The following NHLRC3 variants were observed in gnomAD, a reference collection of about 807,000 sequenced individuals.
NHLRC3 encodes the protein NHL repeat-containing protein 3.
A neutral mutation model predicts 32.0 loss-of-function variants in NHLRC3; 23 were observed. The observed-to-expected ratio is 0.72, with a 90% CI of 0.52 to 1.02. The LOEUF (loss-of-function observed/expected upper bound fraction) is 1.02, where lower values mean the gene tolerates loss of function less well. NHLRC3 is among the 50% of genes least tolerant of loss of function. The pLI, the probability that NHLRC3 is intolerant of heterozygous loss-of-function variation, is 0.00. For missense variants in NHLRC3, 407 were observed against 406.8 expected, an observed-to-expected ratio of 1.00 and a Z score of -0.01; for synonymous variants, 159 against 147.9, an observed-to-expected ratio of 1.08 and a Z score of -0.55.
In NHLRC3 at chr13:39,049,266, C is replaced by G. The variant is rs1184605160; in HGVS notation, c.*1340C>G. 1 of 152,604 alleles carries G rather than the reference C, an allele frequency of 6.6e-6. No homozygotes were observed. The highest frequency in any genetic ancestry group is 1.5e-5 in the Non-Finnish European group (1 of 68,058). The allele number at this position is 152,604 out of a possible 1,614,324, so 9.5% of individuals were successfully genotyped here. ...TTTTCCAGACCTGAAGGGACTCACA[C>G]TTGTTTTGATACTTGGATCACATCT... On this transcript the variant is annotated 3_prime_UTR_variant, in exon 7 of 7. Coordinates refer to ENST00000379600, the MANE Select transcript of NHLRC3 (RefSeq NM_001012754.4).
intron 6 of NHLRC3, 69 bp from the exon 7 acceptor site, chr13:39,047,605 A>C (rs1349913993): frequency 3.7e-6 from 5 of 1,360,788 alleles, no homozygotes; most frequent in East Asian, 4.6e-5. Context: ...TAGGGGATTA[A>C]AATGTTGAAA....
At chr13:39,046,809 G>T (rs1871697051) in intron 5 of NHLRC3, among the ~76,000 whole-genome samples, 1 of 152,160 alleles carries the variant, frequency 6.6e-6, no homozygotes, top group African/African-American at 2.4e-5. Context: ...AGTATTATAA[G>T]CTTTGGGTTA....
In NHLRC3 at chr13:39,045,408, C is replaced by T. The variant is rs757723798; in HGVS notation, c.678+1227C>T. Reference sequence around the variant, plus strand: ...CCTTCTAAAAGGCCTTGGAAATCATCTGATGGGGGTACTCTGGCATTCCTG... The same window carrying T: ...CCTTCTAAAAGGCCTTGGAAATCATTTGATGGGGGTACTCTGGCATTCCTG... On this transcript the variant is annotated intron_variant, in intron 5 of 6. Transcript: ENST00000379600. Among the ~76,000 whole-genome samples, 88 of 152,300 alleles carry T rather than the reference C, an allele frequency of 5.8e-4. 1 individual carries two copies. Among genetic ancestry groups the T allele is most frequent in the Non-Finnish European group, 4.1e-4 (28 of 68,022 alleles).
chr13:39,039,089 CTT>C, intron 1 of NHLRC3, 45 bp from the exon 2 acceptor site: 1 of 427,124 alleles, frequency 2.3e-6, no homozygotes, highest in Non-Finnish European at 4.1e-6. Context: ...TTTTTTTGTT[CTT>C]ACCTAGACGG....
chr13:39,047,676 T>C lies in NHLRC3; in HGVS notation c.794T>C (p.Phe265Ser). ...ATGTTAAATGTCTTTCTCCTTAGGTTTACTCCTGATGGGAAGTACTTGATT... is the reference window on the plus strand; with the variant it reads ...ATGTTAAATGTCTTTCTCCTTAGGTCTACTCCTGATGGGAAGTACTTGATT... ...FTEEGPSSVRFTPDGKYLIVA... is the reference protein window; with the variant it reads ...FTEEGPSSVRSTPDGKYLIVA... Residue 265 changes from phenylalanine to serine, a missense_variant and splice_region_variant, in exon 7 of 7, where the codon TTT becomes TCT. Physicochemically the swap from Phe to Ser is radical, Grantham distance 155. Coordinates refer to ENST00000379600, the MANE Select transcript of NHLRC3 (RefSeq NM_001012754.4). The C allele has an allele frequency of 2.5e-6, 4 of 1,612,230 alleles. No homozygotes were observed. The highest frequency in any genetic ancestry group is 3.4e-6 in the Non-Finnish European group (4 of 1,178,482).
At chr13:39,044,355 T>C (rs1186656610) in intron 5 of NHLRC3, 174 bp downstream of exon 5, 5 of 596,210 alleles carry the variant, frequency 8.4e-6, no homozygotes, top group East Asian at 2.8e-5. Flanking sequence ...GGGTAATTAC[T>C]CTGGGGCTGG....
chr13:39,047,783 A>G lies in NHLRC3; in HGVS notation c.901A>G (p.Thr301Ala), dbSNP rs143599770. Residue 301 changes from threonine to alanine, a missense_variant, in exon 7 of 7, where the codon ACA becomes GCA. By Grantham distance (58) the Thr-to-Ala change is moderately conservative. Transcript: ENST00000379600. ...GSIGECSVIS[T>A]IQLADQVLPH... is the part of the protein sequence containing the mutation. ...CATTGGGGAGTGTTCTGTGATCAGC[A>G]CAATCCAACTAGCAGATCAAGTTTT... 3.0e-5 allele frequency: 48 copies of G among 1,614,182 alleles called. No homozygotes were observed. In the African/African-American group the frequency reaches 4.7e-4, roughly 16 times the overall value.
chr13:39,049,499 A>T lies in NHLRC3; in HGVS notation c.*1573A>T, dbSNP rs568906408. 3 of 152,336 alleles carry T rather than the reference A, an allele frequency of 2.0e-5. No individual in the cohort carries two copies. In the South Asian group the frequency reaches 6.2e-4, roughly 32 times the overall value. 9.4% of individuals were successfully genotyped at this position (152,336 alleles called of 1,614,324 possible). ...AACAGGTACAGACTTGCCCTTTGAA[A>T]TCTATACCTCTGGATACATTAGAGG... On this transcript the variant is annotated 3_prime_UTR_variant, in exon 7 of 7. Transcript: ENST00000379600.
chr13:39,040,460 T>C (rs957402903), intron 3 of NHLRC3: 5 of 152,224 alleles, frequency 3.3e-5, no homozygotes, highest in Non-Finnish European at 7.3e-5. Flanking sequence ...CTGTTGTTAA[T>C]GTTTTTGAAA....
intron 1 of NHLRC3, 131 bp from the exon 2 acceptor site, chr13:39,039,005 T>C: frequency 1.4e-6 from 1 of 734,124 alleles, no homozygotes; most frequent in Non-Finnish European, 2.3e-6. Flanking sequence ...TTCTTTGGAA[T>C]TATTTCAGTC....
intron 6 of NHLRC3, among the ~76,000 whole-genome samples, 156 bp from the exon 7 acceptor site, chr13:39,047,518 A>T (rs545240670): frequency 1.3e-5 from 2 of 152,348 alleles, no homozygotes; most frequent in Non-Finnish European, 2.9e-5. Context: ...ATTCCTTCAT[A>T]AACAGAATTA....
intron 1 of NHLRC3, 75 bp downstream of exon 1, chr13:39,038,798 A>G (rs1871318202): frequency 8.1e-7 from 1 of 1,237,582 alleles, no homozygotes; most frequent in South Asian, 1.2e-5. Flanking sequence ...CGGTCGTGGC[A>G]TGGAGGTGGC....
intron 3 of NHLRC3, chr13:39,041,900 G>A (rs953249486): frequency 1.4e-5 from 7 of 512,054 alleles, no homozygotes; most frequent in Non-Finnish European, 2.4e-5. Context: ...GCTTATTTTG[G>A]ACTAATGGAG....
intron 5 of NHLRC3, among the ~76,000 whole-genome samples, chr13:39,046,396 T>A (rs1001681059): frequency 6.6e-6 from 1 of 152,236 alleles, no homozygotes; most frequent in Non-Finnish European, 1.5e-5. Context: ...AGAATGCATC[T>A]CACTTCTTGT....
rs929546026 is a variant in NHLRC3, at chr13:39,049,542, C to T, written c.*1616C>T. On this transcript the variant is annotated 3_prime_UTR_variant, in exon 7 of 7. Coordinates refer to ENST00000379600, the MANE Select transcript of NHLRC3 (RefSeq NM_001012754.4). ...ATTAGAGGCATTTTATTAACAAAGG[C>T]CCTTCTAAATGTGCTATTTATTTGA... 5.3e-5 allele frequency: 8 copies of T among 152,182 alleles called. No homozygotes were observed. Among genetic ancestry groups the T allele is most frequent in the African/African-American group, 1.9e-4 (8 of 41,434 alleles). 9.4% of individuals were successfully genotyped at this position (152,182 alleles called of 1,614,324 possible).
chr13:39,039,106 C>T, intron 1 of NHLRC3, 30 bp from the exon 2 acceptor site: 1 of 849,428 alleles, frequency 1.2e-6, no homozygotes, highest in Non-Finnish European at 1.7e-6. Flanking sequence ...AGACGGTAAA[C>T]TAAATCTGAA....
At chr13:39,044,927 CT>C (rs1165341016) in intron 5 of NHLRC3, among the ~76,000 whole-genome samples, 3 of 152,212 alleles carry the variant, frequency 2.0e-5, no homozygotes, top group Middle Eastern at 6.3e-3. Context: ...TCTGTCTCCC[CT>C]AATAGATGTC....
At position 39,044,164 on chromosome 13, in the gene NHLRC3, C is replaced by T. The variant is rs1330298286; in HGVS notation, c.661C>T (p.Leu221Phe). The part of the protein sequence containing the change: ...AKFNIPHSVT[L>F]DSAGRVWVAD... ...GTTCAACATACCTCACAGTGTTACA[C>T]TTGATTCAGCTGGTCGGGTACAAAT... The change falls in exon 5 of 7, where the codon CTT (leucine) becomes TTT (phenylalanine). Residue 221 changes from leucine (L) to phenylalanine (F), a missense_variant. Physicochemically the swap from Leu to Phe is conservative, Grantham distance 22. Coordinates refer to ENST00000379600, the MANE Select transcript of NHLRC3 (RefSeq NM_001012754.4). 1 of 1,611,786 alleles carries T rather than the reference C, an allele frequency of 6.2e-7. No homozygotes were observed. Among genetic ancestry groups the T allele is most frequent in the Non-Finnish European group, 8.5e-7 (1 of 1,178,030 alleles).
At chr13:39,040,346 A>G (rs1466703120) in intron 3 of NHLRC3, 5 of 152,216 alleles carry the variant, frequency 3.3e-5, no homozygotes. Context: ...CTCTGAAAGC[A>G]ATGACTGGAA....
Sources: allele counts gnomAD v4.1 joint callset (sites outside exome capture counted in the v4.1 genomes callset), GRCh38; gene constraint gnomAD v4.1.1; transcripts MANE v1.5; gene names NCBI Gene and HGNC (gene_info 2026-07-23, HGNC 2026-07-21).